The following ZFP64 variants were observed in gnomAD, a reference collection of about 807,000 sequenced individuals.
The protein encoded by ZFP64 is zinc finger protein 64.
In ZFP64, 14 loss-of-function variants were observed where a neutral mutation model predicts 51.6. The observed-to-expected ratio is 0.27, with a 90% CI of 0.18 to 0.42. The LOEUF is 0.42. Ranked by LOEUF, ZFP64 falls within the 10% of genes least tolerant of loss-of-function variation. The probability of loss-of-function intolerance (pLI) is 1.00; values close to 1 mark genes in which losing one functional copy is unlikely to be tolerated. For synonymous variants in ZFP64, 375 were observed against 361.4 expected, an observed-to-expected ratio of 1.04 and a Z score of -0.43; for missense variants, 754 against 906.8, an observed-to-expected ratio of 0.83 and a Z score of 2.16.
intron 5 of ZFP64, among the ~76,000 whole-genome samples, chr20:52,131,948 C>G (rs1979743477): frequency 6.6e-6 from 1 of 152,062 alleles, no homozygotes; most frequent in Non-Finnish European, 1.5e-5. Flanking sequence ...GGATCATTCT[C>G]AAGTATAGAC....
chr20:52,109,147 T>C (rs1978412631), intron 5 of ZFP64, among the ~76,000 whole-genome samples: 1 of 151,900 alleles, frequency 6.6e-6, no homozygotes, highest in South Asian at 2.1e-4. Context: ...CTCTTTTTTT[T>C]AGAAGATTTT....
At chr20:52,168,394 C>A (rs117305998) in intron 2 of ZFP64, among the ~76,000 whole-genome samples, 2 of 152,212 alleles carry the variant, frequency 1.3e-5, no homozygotes, top group Non-Finnish European at 2.9e-5. Flanking sequence ...TGGTTTCTCT[C>A]GCTCTGCTTG....
intron 2 of ZFP64, among the ~76,000 whole-genome samples, chr20:52,176,838 G>A (rs548537853): frequency 6.0e-4 from 91 of 152,298 alleles, no homozygotes; most frequent in African/African-American, 2.0e-3. Context: ...ATCCAGCTGC[G>A]TGCCTGCCTA....
chr20:52,124,375 AAGG>A (rs1979346893), intron 5 of ZFP64, among the ~76,000 whole-genome samples: 1 of 152,148 alleles, frequency 6.6e-6, no homozygotes, highest in South Asian at 2.1e-4. Context: ...TCAGTGAGAA[AAGG>A]AGAATAATTT....
At chr20:52,109,213 T>C (rs112769767) in intron 5 of ZFP64, among the ~76,000 whole-genome samples, 2,210 of 152,080 alleles carry the variant, frequency 0.015, 43 homozygotes, top group African/African-American at 0.05. Flanking sequence ...TGCAGTGGCA[T>C]GATCTTGGCT....
intron 5 of ZFP64, among the ~76,000 whole-genome samples, chr20:52,102,784 G>T (rs188777203): frequency 1.6e-3 from 245 of 152,230 alleles, no homozygotes; most frequent in African/African-American, 5.9e-3. Flanking sequence ...TTCCACATCT[G>T]TGAAATGGGT....
chr20:52,187,901 C>T (rs373096563), intron 1 of ZFP64, among the ~76,000 whole-genome samples: 11 of 152,300 alleles, frequency 7.2e-5, no homozygotes, highest in African/African-American at 2.6e-4. Flanking sequence ...AAAACTGATC[C>T]TCCCGCACAT....
intron 2 of ZFP64, among the ~76,000 whole-genome samples, chr20:52,172,049 C>T (rs1982788243): frequency 6.6e-6 from 1 of 152,086 alleles, no homozygotes; most frequent in African/African-American, 2.4e-5. Context: ...GCCCGACCAA[C>T]TGGGTGTTTG....
chr20:52,187,128 G>A, intron 1 of ZFP64, 57 bp from the exon 2 acceptor site: 4 of 1,547,990 alleles, frequency 2.6e-6, no homozygotes, highest in Non-Finnish European at 3.5e-6. Context: ...GAATTGTAAT[G>A]CAGACCAGAT....
intron 5 of ZFP64, among the ~76,000 whole-genome samples, chr20:52,107,644 CT>C (rs949100024): frequency 1.2e-4 from 19 of 152,268 alleles, no homozygotes; most frequent in African/African-American, 2.6e-4. Flanking sequence ...CCAAGAATAA[CT>C]TTTTTTCACT....
chr20:52,165,973 C>A lies in ZFP64; in HGVS notation c.339G>T (p.Thr113=), dbSNP rs369597418. The change falls in exon 3 of 6, where the codon ACG becomes ACT. Residue 113 remains threonine (T), a synonymous_variant. Coordinates refer to ENST00000216923, the MANE Select transcript of ZFP64 (RefSeq NM_018197.3). ...TGGCTGTCTGGTTTTCATTACTTTC[C>A]GTGGGCAGGTAAGTTTGATAGCCAT... The part of the protein sequence containing the change: ...FEHGYQTYLP[T]ESNENQTATV... The A allele has an allele frequency of 6.2e-7, 1 of 1,613,734 alleles. No homozygotes were observed. The highest frequency in any genetic ancestry group is 8.5e-7 in the Non-Finnish European group (1 of 1,179,962).
chr20:52,175,993 G>C (rs1415740156), intron 2 of ZFP64: 2 of 985,488 alleles, frequency 2.0e-6, no homozygotes, highest in Admixed American at 1.2e-4. Flanking sequence ...CCTCCCCAGG[G>C]GTGAGTGGCG....
rs573598080 is a variant in ZFP64, at chr20:52,144,099, C to T, written c.763+16024G>A. 5.7e-5 allele frequency among the ~76,000 whole-genome samples: 8 copies of T among 141,574 alleles called. 1 individual carries two copies. Among genetic ancestry groups the T allele is most frequent in the South Asian group, 2.4e-4 (1 of 4,228 alleles). 92.9% of individuals were successfully genotyped at this position (141,574 alleles called of 152,430 possible). A position where few individuals can be genotyped will look rare whatever the true frequency, so the allele number is the denominator to read the frequency against. On this transcript the variant is annotated intron_variant, in intron 5 of 8. Transcript: ENST00000361387. The stretch of plus-strand genomic sequence containing the variant: ...TTTAATTAATGAATTAAATACTTGA[C>T]GTGTTAATCTTATATTTGTAGGACA...
Position 52,084,595 on chromosome 20 carries a change from G to A in ZFP64, c.1900C>T (p.Gln634Ter), listed in dbSNP as rs1370997195. ...CTGGGCTCTAGGGGAGCCTCGAGCTGCCCCACGGAGACCAGGGTGCTGAGC... is the reference window on the plus strand; with the variant it reads ...CTGGGCTCTAGGGGAGCCTCGAGCTACCCCACGGAGACCAGGGTGCTGAGC... The change falls in exon 9 of 9, where the codon CAG becomes TAG. Residue 634 changes from glutamine (Q) to a stop codon, truncating the protein, a stop_gained. Transcript: ENST00000361387. LOFTEE classifies it high-confidence loss of function. The A allele has an allele frequency of 1.2e-6, 2 of 1,613,980 alleles. No individual in the cohort carries two copies. Among genetic ancestry groups the A allele is most frequent in the Non-Finnish European group, 1.7e-6 (2 of 1,180,022 alleles).
intron 5 of ZFP64, among the ~76,000 whole-genome samples, chr20:52,102,540 CACAA>C (rs1412334129): frequency 7.9e-5 from 12 of 152,146 alleles, no homozygotes; most frequent in Admixed American, 5.9e-4. Context: ...CAGGGACAGA[CACAA>C]ACAAAGCCTC....
intron 5 of ZFP64, among the ~76,000 whole-genome samples, chr20:52,124,815 G>T (rs957364544): frequency 6.6e-6 from 1 of 151,656 alleles, no homozygotes; most frequent in African/African-American, 2.4e-5. Context: ...TGTTGCCCAG[G>T]CTGGTCTTGA....
intron 5 of ZFP64, chr20:52,110,591 C>T (rs763848120): frequency 1.2e-4 from 90 of 733,766 alleles, no homozygotes; most frequent in Non-Finnish European, 1.9e-4. Flanking sequence ...TTCCAGAGGG[C>T]CTAGCGGGCC....
chr20:52,102,026 C>T (rs574267153), intron 5 of ZFP64, among the ~76,000 whole-genome samples: 3 of 146,440 alleles, frequency 2.0e-5, no homozygotes, highest in Non-Finnish European at 3.0e-5. Context: ...GCAGGAGAAT[C>T]GCTTGAACCT....
intron 2 of ZFP64, among the ~76,000 whole-genome samples, chr20:52,181,413 A>C (rs1983605464): frequency 6.6e-6 from 1 of 152,204 alleles, no homozygotes; most frequent in Non-Finnish European, 1.5e-5. Flanking sequence ...TATTTCCATG[A>C]GCATCCACAT....
Sources: allele counts gnomAD v4.1 joint callset (sites outside exome capture counted in the v4.1 genomes callset), GRCh38; gene constraint gnomAD v4.1.1; transcripts MANE v1.5; gene names NCBI Gene and HGNC (gene_info 2026-07-23, HGNC 2026-07-21).